Variants in RFX6 observed in about 807,000 individuals in gnomAD.
RFX6 encodes DNA-binding protein RFX6.
Under a neutral mutation model 110.8 loss-of-function variants are expected in RFX6, and 50 were observed. The observed-to-expected ratio is 0.45, with a 90% CI of 0.36 to 0.57. The LOEUF (loss-of-function observed/expected upper bound fraction) is 0.57, where lower values mean the gene tolerates loss of function less well. Ranked by LOEUF, RFX6 falls within the 20% of genes least tolerant of loss-of-function variation. RFX6 has a pLI of 0.00. For missense variants in RFX6, 990 were observed against 1,127.0 expected (o/e 0.88, Z 1.74); for synonymous variants, 383 against 411.2 (o/e 0.93, Z 0.83).
intron 4 of RFX6, among the ~76,000 whole-genome samples, chr6:116,888,310 C>T (rs924262964): frequency 6.6e-6 from 1 of 152,076 alleles, no homozygotes; most frequent in African/African-American, 2.4e-5. Flanking sequence ...AAAAAAAGAA[C>T]AGCAATAATT....
intron 16 of RFX6, 86 bp downstream of exon 16, chr6:116,925,745 C>T (rs1775710320): frequency 2.4e-6 from 2 of 842,404 alleles, no homozygotes; most frequent in Admixed American, 4.1e-5. Context: ...ACTTCCAGTC[C>T]AGGAATTCCA....
chr6:116,920,858 T>C (rs12202378), intron 12 of RFX6, among the ~76,000 whole-genome samples: 47,139 of 151,972 alleles, frequency 0.31, 7,495 homozygotes, highest in South Asian at 0.44. Flanking sequence ...ATAATCAAAT[T>C]GTTTTGAGTT....
chr6:116,896,803 C>A (rs1473039638), intron 6 of RFX6, among the ~76,000 whole-genome samples: 1 of 152,150 alleles, frequency 6.6e-6, no homozygotes, highest in Non-Finnish European at 1.5e-5. Flanking sequence ...TTCATTTGAA[C>A]ATTCATAACT....
At chr6:116,912,258 C>T (rs923857832) in intron 7 of RFX6, among the ~76,000 whole-genome samples, 1 of 151,852 alleles carries the variant, frequency 6.6e-6, no homozygotes, top group Non-Finnish European at 1.5e-5. Context: ...GTAATTGGAT[C>T]ATTCGTATTC....
intron 6 of RFX6, among the ~76,000 whole-genome samples, chr6:116,908,689 G>GAC (rs35170155): frequency 0.057 from 6,776 of 118,980 alleles, 411 homozygotes; most frequent in African/African-American, 0.19. Context: ...CACACACACA[G>GAC]ACACACACAC....
chr6:116,931,585 A>G lies in RFX6; in HGVS notation c.*79A>G. The G allele has an allele frequency of 1.9e-6, 2 of 1,052,956 alleles. No individual in the cohort carries two copies. The highest frequency in any genetic ancestry group is 5.2e-5 in the East Asian group (2 of 38,678). 65.2% of individuals were successfully genotyped at this position (1,052,956 alleles called of 1,614,324 possible). A position where few individuals can be genotyped will look rare whatever the true frequency, so the allele number is the denominator to read the frequency against. On this transcript the variant is annotated 3_prime_UTR_variant, in exon 19 of 19. Coordinates refer to ENST00000332958, the MANE Select transcript of RFX6 (RefSeq NM_173560.4). ...AATATCATTATTCACTCAGACTTCC[A>G]TAAGAGTAAATAAAAATGAATATGC...
chr6:116,919,314 T>A lies in RFX6; in HGVS notation c.1182+18T>A. ...TTGCCCAGGTATGTTGGTTGCTAAG[T>A]CGAGAGCATTTGAGTCACCATATAA... is the stretch of plus-strand genomic sequence containing the variant. On this transcript the variant is annotated intron_variant, in intron 11 of 18. Coordinates refer to ENST00000332958, the MANE Select transcript of RFX6 (RefSeq NM_173560.4). 6.2e-7 allele frequency: 1 copy of A among 1,607,936 alleles called. No homozygotes were observed. Among genetic ancestry groups the A allele is most frequent in the Non-Finnish European group, 8.5e-7 (1 of 1,174,584 alleles).
chr6:116,925,394 T>C lies in RFX6; in HGVS notation c.1679-59T>C, dbSNP rs1775688319. ...ATTTTCATTTTCTTTTTACTTGGGT[T>C]TATCTACGAGGAATGTGAGAAAAAA... On this transcript the variant is annotated intron_variant, in intron 15 of 18. Transcript: ENST00000332958. 42 of 1,296,902 alleles carry C rather than the reference T, an allele frequency of 3.2e-5. No homozygotes were observed. In the East Asian group the frequency reaches 9.5e-4, roughly 29 times the overall value. The allele number at this position is 1,296,902 out of a possible 1,614,324, so 80.3% of individuals were successfully genotyped here. A position where few individuals can be genotyped will look rare whatever the true frequency, so the allele number is the denominator to read the frequency against.
intron 16 of RFX6, among the ~76,000 whole-genome samples, chr6:116,926,802 G>C (rs1167326793): frequency 2.0e-5 from 3 of 152,132 alleles, no homozygotes; most frequent in Non-Finnish European, 4.4e-5. Context: ...ACTTTCCTCT[G>C]TAGTCACCAA....
intron 3 of RFX6, 118 bp downstream of exon 3, chr6:116,880,785 G>A: frequency 8.8e-7 from 1 of 1,135,524 alleles, no homozygotes; most frequent in South Asian, 1.3e-5. Context: ...TTGTTTTGCA[G>A]GCATAAATTG....
chr6:116,882,496 G>A lies in RFX6; in HGVS notation c.566+68G>A, dbSNP rs1281154282. ...GAAGATTGACACAGATGTAAAATAA[G>A]TATTGTCTTTGTCAGTACAAAGAGA... On this transcript the variant is annotated intron_variant, in intron 4 of 18. Coordinates refer to ENST00000332958, the MANE Select transcript of RFX6 (RefSeq NM_173560.4). 10 of 1,144,508 alleles carry A rather than the reference G, an allele frequency of 8.7e-6. No individual in the cohort carries two copies. The African/African-American group carries it at 1.1e-4, about 12-fold the overall frequency. 70.9% of individuals were successfully genotyped at this position (1,144,508 alleles called of 1,614,324 possible).
intron 4 of RFX6, 141 bp downstream of exon 4, chr6:116,882,569 G>GAAA (rs34335008): frequency 1.0e-4 from 47 of 455,570 alleles, no homozygotes; most frequent in South Asian, 4.2e-4. Context: ...TGTGAGAACT[G>GAAA]AAAAAAAAAA....
chr6:116,912,996 CT>C (rs1221456010), intron 7 of RFX6, among the ~76,000 whole-genome samples: 1 of 152,140 alleles, frequency 6.6e-6, no homozygotes, highest in Non-Finnish European at 1.5e-5. Flanking sequence ...ATTAGCCAGG[CT>C]CCTCAGGTAA....
At chr6:116,902,598 T>G (rs1192220780) in intron 6 of RFX6, among the ~76,000 whole-genome samples, 1 of 152,060 alleles carries the variant, frequency 6.6e-6, no homozygotes, top group Admixed American at 6.6e-5. Context: ...GCTTTTCTTT[T>G]CCTGTGGGTC....
intron 6 of RFX6, among the ~76,000 whole-genome samples, chr6:116,899,749 A>T (rs1011279072): frequency 6.6e-6 from 1 of 152,180 alleles, no homozygotes; most frequent in Non-Finnish European, 1.5e-5. Flanking sequence ...TGTCTACCCC[A>T]CTTCTGGAAG....
At chr6:116,887,054 TC>T (rs1350926431) in intron 4 of RFX6, among the ~76,000 whole-genome samples, 1 of 151,594 alleles carries the variant, frequency 6.6e-6, no homozygotes, top group African/African-American at 2.4e-5. Flanking sequence ...CGAGCGAGAC[TC>T]CATCTCAAAA....
At chr6:116,895,082 T>C (rs1315616944) in intron 5 of RFX6, 98 bp from the exon 6 acceptor site, 2 of 656,382 alleles carry the variant, frequency 3.0e-6, no homozygotes, top group African/African-American at 1.8e-5. Context: ...TCTCTAATCA[T>C]GGTATGAAAT....
At chr6:116,885,661 C>T (rs947537790) in intron 4 of RFX6, among the ~76,000 whole-genome samples, 16 of 152,016 alleles carry the variant, frequency 1.1e-4, no homozygotes, top group Admixed American at 5.2e-4. Context: ...CAATATCAAT[C>T]GTATCAACAA....
chr6:116,904,410 C>G (rs1775149972), intron 6 of RFX6, among the ~76,000 whole-genome samples: 2 of 151,588 alleles, frequency 1.3e-5, no homozygotes, highest in African/African-American at 4.8e-5. Context: ...GTGTATATTC[C>G]AAGATTATAA....
Sources: gnomAD v4.1 joint callset for allele counts (sites outside exome capture counted in the v4.1 genomes callset) on GRCh38, gnomAD v4.1.1 for gene constraint, MANE v1.5 for transcripts, NCBI Gene and HGNC (gene_info 2026-07-23, HGNC 2026-07-21) for gene names.